The following UGT1A8 variants were observed in gnomAD, a reference collection of about 807,000 sequenced individuals.
The protein encoded by UGT1A8 is UDP glucuronosyltransferase family 1 member A8.
UGT1A8 carries 39 observed loss-of-function variants against 45.3 expected under a neutral mutation model. The observed-to-expected ratio is 0.86, with a 90% CI of 0.67 to 1.12. UGT1A8 has a LOEUF of 1.12. Among genes scored for constraint, UGT1A8 ranks in the 50% most tolerant of loss-of-function variants. The pLI is 0.00. For synonymous variants in UGT1A8, 275 were observed against 249.2 expected, an observed-to-expected ratio of 1.10 and a Z score of -0.97; for missense variants, 719 against 664.9, an observed-to-expected ratio of 1.08 and a Z score of -0.90.
In UGT1A8 at chr2:233,645,898, T is replaced by G. The variant is rs1361641092; in HGVS notation, c.855+27336T>G. 3.3e-5 allele frequency among the ~76,000 whole-genome samples: 5 copies of G among 152,224 alleles called. No homozygotes were observed. In the East Asian group the frequency reaches 9.6e-4, roughly 29 times the overall value. On this transcript the variant is annotated intron_variant, in intron 1 of 4. Coordinates refer to ENST00000373450, the MANE Select transcript of UGT1A8 (RefSeq NM_019076.5). ...CAGTTCCACTAGGCAGTCCCCCAGT[T>G]GTTGCTCTGTTTGGGGGCTTCAACC...
intron 1 of UGT1A8, among the ~76,000 whole-genome samples, chr2:233,645,565 A>G (rs1487642268): frequency 6.6e-6 from 1 of 152,214 alleles, no homozygotes; most frequent in African/African-American, 2.4e-5. Flanking sequence ...CACCATTCCA[A>G]CTGGGAAAAA....
chr2:233,630,428 C>T (rs1282285535), intron 1 of UGT1A8, among the ~76,000 whole-genome samples: 1 of 152,128 alleles, frequency 6.6e-6, no homozygotes, highest in African/African-American at 2.4e-5. Flanking sequence ...TCAAGAAAAC[C>T]TGCAGAATAT....
chr2:233,772,894 C>CCA lies in UGT1A8; in HGVS notation c.*337_*338dup, dbSNP rs554656848. 8.1e-6 allele frequency: 4 copies of CCA among 491,752 alleles called. No individual in the cohort carries two copies. Among genetic ancestry groups the CCA allele is most frequent in the Non-Finnish European group, 1.3e-5 (4 of 303,172 alleles). The allele number at this position is 491,752 out of a possible 1,614,324, so 30.5% of individuals were successfully genotyped here. A position where few individuals can be genotyped will look rare whatever the true frequency, so the allele number is the denominator to read the frequency against. ...GGGAGTGCGGGATTCAAAGGTGGTC[C>CCA]CACGGCTGCCCCTACTGCAAATGGC... On this transcript the variant is annotated 3_prime_UTR_variant, in exon 5 of 5. Transcript: ENST00000373450.
intron 1 of UGT1A8, among the ~76,000 whole-genome samples, chr2:233,687,614 A>T (rs1192201082): frequency 1.3e-5 from 2 of 151,552 alleles, no homozygotes; most frequent in Admixed American, 6.6e-5. Flanking sequence ...AAAAGGAAAG[A>T]AAAAAAGGCT....
chr2:233,676,803 C>T (rs193271442), intron 1 of UGT1A8, among the ~76,000 whole-genome samples: 84 of 152,216 alleles, frequency 5.5e-4, no homozygotes, highest in African/African-American at 1.9e-3. Flanking sequence ...TGTTTTCTTG[C>T]GTGTGAATAT....
chr2:233,711,508 C>A (rs1359627047), intron 1 of UGT1A8, among the ~76,000 whole-genome samples: 1 of 152,188 alleles, frequency 6.6e-6, no homozygotes. Flanking sequence ...CCCTTTCTAG[C>A]GCTCTGTGTC....
rs770564267 is a variant in UGT1A8 at position 233,772,524 on chromosome 2, C to A, written c.1558C>A (p.Arg520=). 1.2e-6 allele frequency: 2 copies of A among 1,613,956 alleles called. No individual in the cohort carries two copies. The highest frequency in any genetic ancestry group is 2.2e-5 in the East Asian group (1 of 44,874). Residue 520 remains arginine (R), a synonymous_variant, in exon 5 of 5, where the codon CGA becomes AGA. Transcript: ENST00000373450. ...GYRKCLGKKG[R]VKKAHKSKTH ...CCGGAAATGCTTGGGGAAAAAAGGG[C>A]GAGTTAAGAAAGCCCACAAATCCAA...
chr2:233,696,037 C>T (rs1003324410), intron 1 of UGT1A8, among the ~76,000 whole-genome samples: 55 of 152,230 alleles, frequency 3.6e-4, no homozygotes, highest in African/African-American at 1.3e-3. Flanking sequence ...CCCTAATTTA[C>T]ATTTGAAGAA....
intron 1 of UGT1A8, among the ~76,000 whole-genome samples, chr2:233,724,089 A>G (rs1195577143): frequency 1.0e-5 from 1 of 98,852 alleles, no homozygotes; most frequent in Non-Finnish European, 1.9e-5. Flanking sequence ...GGGGCTCCTC[A>G]CTTCCCAGTA....
intron 1 of UGT1A8, among the ~76,000 whole-genome samples, chr2:233,626,082 G>C (rs1425551908): frequency 6.6e-6 from 1 of 152,044 alleles, no homozygotes; most frequent in Non-Finnish European, 1.5e-5. Flanking sequence ...GGTGGAAGTG[G>C]AGGCAGGAGA....
intron 1 of UGT1A8, among the ~76,000 whole-genome samples, chr2:233,677,781 G>A (rs1055229293): frequency 6.6e-6 from 1 of 151,916 alleles, no homozygotes; most frequent in East Asian, 1.9e-4. Context: ...ATTTTGCAAA[G>A]AACTTAAAAC....
At chr2:233,766,610 TC>T (rs1292898350) in intron 1 of UGT1A8, among the ~76,000 whole-genome samples, 1 of 152,172 alleles carries the variant, frequency 6.6e-6, no homozygotes, top group Non-Finnish European at 1.5e-5. Context: ...CACACCCTCT[TC>T]TACCCAGCAC....
chr2:233,618,835 A>G (rs1355769854), intron 1 of UGT1A8, among the ~76,000 whole-genome samples: 1 of 152,222 alleles, frequency 6.6e-6, no homozygotes, highest in Non-Finnish European at 1.5e-5. Flanking sequence ...CAAAAACCAC[A>G]GTAAGAAATT....
At chr2:233,660,234 C>T (rs2073937443) in intron 1 of UGT1A8, among the ~76,000 whole-genome samples, 1 of 152,164 alleles carries the variant, frequency 6.6e-6, no homozygotes, top group African/African-American at 2.4e-5. Flanking sequence ...TCATGATGTT[C>T]GCCCCGCTGA....
At position 233,707,370 on chromosome 2, in the gene UGT1A8, A is replaced by C. The variant is rs567793964; in HGVS notation, c.856-59664A>C. ...AGATCAACCCATCACCTAGGTATTA[A>C]GCTCAGCATCCATGAGCTATTCTTT... On this transcript the variant is annotated intron_variant, in intron 1 of 4. Coordinates refer to ENST00000373450, the MANE Select transcript of UGT1A8 (RefSeq NM_019076.5). Among the ~76,000 whole-genome samples the C allele has an allele frequency of 3.9e-5, 6 of 152,172 alleles. No homozygotes were observed. The South Asian group carries it at 1.2e-3, about 32-fold the overall frequency.
At chr2:233,649,773 AT>A (rs1249109216) in intron 1 of UGT1A8, among the ~76,000 whole-genome samples, 1 of 152,220 alleles carries the variant, frequency 6.6e-6, no homozygotes, top group Non-Finnish European at 1.5e-5. Flanking sequence ...TGAAGAAAGT[AT>A]AAAGCAGAAT....
chr2:233,646,647 T>C (rs1386018823), intron 1 of UGT1A8, among the ~76,000 whole-genome samples: 2 of 152,196 alleles, frequency 1.3e-5, no homozygotes, highest in African/African-American at 2.4e-5. Flanking sequence ...AAGAGTCACC[T>C]TTCCTCCAGT....
intron 1 of UGT1A8, among the ~76,000 whole-genome samples, chr2:233,762,777 G>A (rs1698161345): frequency 6.7e-6 from 1 of 149,832 alleles, no homozygotes; most frequent in Non-Finnish European, 1.5e-5. Flanking sequence ...ATCTCTAGCT[G>A]ATTATCTACT....
intron 1 of UGT1A8, among the ~76,000 whole-genome samples, chr2:233,748,665 G>C (rs2125893824): frequency 6.6e-6 from 1 of 151,856 alleles, no homozygotes; most frequent in South Asian, 2.1e-4. Context: ...AGTTTCCAGA[G>C]AGGGATCTGT....
Sources: gnomAD v4.1 joint callset for allele counts (sites outside exome capture counted in the v4.1 genomes callset) on GRCh38, gnomAD v4.1.1 for gene constraint, MANE v1.5 for transcripts, NCBI Gene and HGNC (gene_info 2026-07-23, HGNC 2026-07-21) for gene names.